Variants in CNTNAP2 observed in about 807,000 individuals in gnomAD.
CNTNAP2 encodes the protein contactin associated protein 2, also known as contactin-associated protein-like 2.
A neutral mutation model predicts 155.2 loss-of-function variants in CNTNAP2; 98 were observed. The observed-to-expected ratio is 0.63, with a 90% CI of 0.54 to 0.75. CNTNAP2 has a LOEUF of 0.75. Among genes scored for constraint, CNTNAP2 ranks in the 30% least tolerant of loss-of-function variants. CNTNAP2 has a pLI of 0.00. For synonymous variants in CNTNAP2, 651 were observed against 631.2 expected, an observed-to-expected ratio of 1.03 and a Z score of -0.47; for missense variants, 1,727 against 1,688.1, an observed-to-expected ratio of 1.02 and a Z score of -0.40.
chr7:148,369,154 A>G (rs1327821081), intron 21 of CNTNAP2, among the ~76,000 whole-genome samples: 1 of 68,176 alleles, frequency 1.5e-5, no homozygotes, highest in Admixed American at 1.7e-4. Context: ...TTATATTTTT[A>G]TATTTTTTTT....
chr7:146,401,185 A>C (rs1416959323), intron 1 of CNTNAP2, among the ~76,000 whole-genome samples: 2 of 152,162 alleles, frequency 1.3e-5, no homozygotes, highest in Admixed American at 6.6e-5. Context: ...TTTTCTATAC[A>C]TTCTCCCTGC....
Position 148,243,790 on chromosome 7 carries a change from C to CA in CNTNAP2, c.3381+14021dup, listed in dbSNP as rs112557110. Among the ~76,000 whole-genome samples, 66 of 143,702 alleles carry CA rather than the reference C, an allele frequency of 4.6e-4. 1 individual carries two copies. Among genetic ancestry groups the CA allele is most frequent in the Admixed American group, 2.9e-3 (42 of 14,422 alleles). The allele number at this position is 143,702 out of a possible 152,430, so 94.3% of individuals were successfully genotyped here. ...AAGGAAATGTAATGTCAACTAAAGA[C>CA]AAAAAAAAAAGAAAAAAGAAAAAAA... is the stretch of plus-strand genomic sequence containing the variant. On this transcript the variant is annotated intron_variant, in intron 20 of 23. Coordinates refer to ENST00000361727, the MANE Select transcript of CNTNAP2 (RefSeq NM_014141.6).
intron 1 of CNTNAP2, among the ~76,000 whole-genome samples, chr7:146,562,300 T>C (rs1024343561): frequency 6.6e-6 from 1 of 152,060 alleles, no homozygotes; most frequent in African/African-American, 2.4e-5. Flanking sequence ...CTTATATTTT[T>C]AAAAAAATTT....
chr7:147,575,127 G>A (rs1372743396), intron 12 of CNTNAP2, among the ~76,000 whole-genome samples: 17 of 150,318 alleles, frequency 1.1e-4, no homozygotes, highest in South Asian at 2.1e-4. Context: ...GTGTGTGTGT[G>A]TGTGTGTGTG....
At chr7:146,213,256 T>C (rs1194612343) in intron 1 of CNTNAP2, among the ~76,000 whole-genome samples, 1 of 152,216 alleles carries the variant, frequency 6.6e-6, no homozygotes, top group Non-Finnish European at 1.5e-5. Flanking sequence ...AAGCTTTCTT[T>C]ATATTTTTAA....
At chr7:148,276,860 A>G (rs891892338) in intron 21 of CNTNAP2, among the ~76,000 whole-genome samples, 2 of 152,252 alleles carry the variant, frequency 1.3e-5, no homozygotes, top group Non-Finnish European at 2.9e-5. Flanking sequence ...ATTGTAATGC[A>G]CAAAGCAGCT....
chr7:147,448,712 T>C (rs974941629), intron 10 of CNTNAP2, among the ~76,000 whole-genome samples: 17 of 152,064 alleles, frequency 1.1e-4, no homozygotes, highest in African/African-American at 3.9e-4. Flanking sequence ...AGAGGCATCA[T>C]GAAATAACTC....
chr7:147,155,008 G>C (rs186889471), intron 8 of CNTNAP2, among the ~76,000 whole-genome samples: 1 of 152,112 alleles, frequency 6.6e-6, no homozygotes, highest in Non-Finnish European at 1.5e-5. Flanking sequence ...GACTGAAAAG[G>C]CTCAAGAGGA....
intron 13 of CNTNAP2, among the ~76,000 whole-genome samples, chr7:147,784,830 G>C (rs1797714687): frequency 6.6e-6 from 1 of 151,716 alleles, no homozygotes; most frequent in African/African-American, 2.4e-5. Flanking sequence ...CTGCAGTGGT[G>C]GTGGTGGTTG....
intron 18 of CNTNAP2, among the ~76,000 whole-genome samples, chr7:148,216,561 A>T (rs1175290643): frequency 6.6e-6 from 1 of 152,124 alleles, no homozygotes; most frequent in Non-Finnish European, 1.5e-5. Context: ...TGTACCAGGG[A>T]TTTATTTTTG....
chr7:147,424,245 A>G (rs1797343377), intron 10 of CNTNAP2, among the ~76,000 whole-genome samples: 1 of 152,138 alleles, frequency 6.6e-6, no homozygotes, highest in South Asian at 2.1e-4. Context: ...TAAAGTAACA[A>G]TCATCATTGC....
chr7:148,368,815 G>A (rs984386284), intron 21 of CNTNAP2, among the ~76,000 whole-genome samples: 3 of 152,036 alleles, frequency 2.0e-5, no homozygotes, highest in Non-Finnish European at 4.4e-5. Flanking sequence ...TGGTCAGACT[G>A]AGACAGAACA....
intron 13 of CNTNAP2, among the ~76,000 whole-genome samples, chr7:147,724,382 A>G (rs1447496586): frequency 1.3e-5 from 2 of 152,044 alleles, no homozygotes; most frequent in Non-Finnish European, 2.9e-5. Context: ...TGGTAAATTG[A>G]GGTAGATGGT....
At chr7:147,016,415 T>C (rs993495954) in intron 3 of CNTNAP2, among the ~76,000 whole-genome samples, 3 of 152,090 alleles carry the variant, frequency 2.0e-5, no homozygotes, top group Non-Finnish European at 4.4e-5. Context: ...TTGTTCATGA[T>C]AGAGTCTTCT....
rs577609188 is a variant in CNTNAP2, at chr7:148,410,782, G to T, written c.3796+1311G>T. Among the ~76,000 whole-genome samples, 11 of 152,248 alleles carry T rather than the reference G, an allele frequency of 7.2e-5. No individual in the cohort carries two copies. In the South Asian group the frequency reaches 2.1e-3, roughly 29 times the overall value. On this transcript the variant is annotated intron_variant, in intron 23 of 23. Transcript: ENST00000361727. ...AAAACACGTAACAGAGATTGGGAAA[G>T]TTGAGCAGGAGGAGGAAGGAGAATG...
chr7:148,374,680 C>T (rs1356117357), intron 21 of CNTNAP2, among the ~76,000 whole-genome samples: 1 of 152,154 alleles, frequency 6.6e-6, no homozygotes, highest in African/African-American at 2.4e-5. Context: ...TAATTTCGTA[C>T]ACAGGATTCT....
intron 1 of CNTNAP2, among the ~76,000 whole-genome samples, chr7:146,178,338 C>T (rs143971616): frequency 1.6e-3 from 246 of 152,208 alleles, no homozygotes; most frequent in African/African-American, 5.7e-3. Context: ...CGGCCTGGAA[C>T]ATATTCTTTA....
intron 6 of CNTNAP2, among the ~76,000 whole-genome samples, chr7:147,124,547 A>G (rs1584858704): frequency 6.6e-6 from 1 of 152,216 alleles, no homozygotes; most frequent in Admixed American, 6.5e-5. Context: ...ATAGCACTAT[A>G]TGACGGTATT....
At chr7:147,088,459 T>G (rs1358315199) in intron 4 of CNTNAP2, among the ~76,000 whole-genome samples, 1 of 152,186 alleles carries the variant, frequency 6.6e-6, no homozygotes, top group Non-Finnish European at 1.5e-5. Context: ...CAGTTTAAAT[T>G]TTAAGGTTTA....
Sources: allele counts gnomAD v4.1 joint callset (sites outside exome capture counted in the v4.1 genomes callset), GRCh38; gene constraint gnomAD v4.1.1; transcripts MANE v1.5; gene names NCBI Gene and HGNC (gene_info 2026-07-23, HGNC 2026-07-21).